Variants in NEK7 observed in about 807,000 individuals in gnomAD.
NEK7 encodes the protein serine/threonine-protein kinase Nek7.
NEK7 carries 18 observed loss-of-function variants against 44.6 expected under a neutral mutation model. The ratio of observed to expected loss-of-function variants is 0.40; its 90% CI spans 0.28 to 0.60. The LOEUF (loss-of-function observed/expected upper bound fraction) is 0.60, where lower values mean the gene tolerates loss of function less well. Among genes scored for constraint, NEK7 ranks in the 20% least tolerant of loss-of-function variants. The probability of loss-of-function intolerance (pLI) is 0.38; values close to 1 mark genes in which losing one functional copy is unlikely to be tolerated. For synonymous variants in NEK7, 130 were observed against 121.1 expected, an observed-to-expected ratio of 1.07 and a Z score of -0.48; for missense variants, 256 against 366.5, an observed-to-expected ratio of 0.70 and a Z score of 2.46.
intron 3 of NEK7, chr1:198,256,459 A>G: frequency 6.2e-7 from 1 of 1,604,070 alleles, no homozygotes; most frequent in Non-Finnish European, 8.5e-7. Flanking sequence ...ATTTACCTGT[A>G]TCCCATCATG....
intron 4 of NEK7, among the ~76,000 whole-genome samples, 170 bp downstream of exon 4, chr1:198,262,807 A>T (rs887446087): frequency 2.0e-5 from 3 of 151,896 alleles, no homozygotes; most frequent in African/African-American, 7.2e-5. Flanking sequence ...TATTTTTTGG[A>T]TTTATTGTTA....
chr1:198,174,040 G>A (rs934605838), intron 1 of NEK7, among the ~76,000 whole-genome samples: 1 of 152,202 alleles, frequency 6.6e-6, no homozygotes, highest in Non-Finnish European at 1.5e-5. Context: ...TTGCAAGATA[G>A]TGCAGGTCAG....
chr1:198,188,867 A>G (rs965649738), intron 1 of NEK7, among the ~76,000 whole-genome samples: 15 of 152,144 alleles, frequency 9.9e-5, no homozygotes, highest in Non-Finnish European at 1.5e-5. Flanking sequence ...TCCATTTTGC[A>G]GAAAAGAAAA....
Position 198,319,922 on chromosome 1 carries a change from A to G in NEK7, c.*400A>G, listed in dbSNP as rs1165139105. ...TGAACATGTGACTTGTTTCTTTTTT[A>G]GTAATTTATGGACATTGAGATGAAC... On this transcript the variant is annotated 3_prime_UTR_variant, in exon 10 of 10. Coordinates refer to ENST00000367385, the MANE Select transcript of NEK7 (RefSeq NM_133494.3). 6.5e-6 allele frequency: 1 copy of G among 153,928 alleles called. No individual in the cohort carries two copies. 9.5% of individuals were successfully genotyped at this position (153,928 alleles called of 1,614,324 possible).
chr1:198,309,130 A>G (rs187738177), intron 9 of NEK7, among the ~76,000 whole-genome samples: 5 of 152,316 alleles, frequency 3.3e-5, no homozygotes, highest in African/African-American at 9.6e-5. Context: ...AGTTCCACGT[A>G]GCAAACACAG....
chr1:198,199,868 T>C (rs1297685100), intron 1 of NEK7, among the ~76,000 whole-genome samples: 1 of 152,166 alleles, frequency 6.6e-6, no homozygotes, highest in East Asian at 1.9e-4. Context: ...AAAAAGTTAG[T>C]TGGATAATTT....
At chr1:198,216,795 A>G (rs556436883) in intron 1 of NEK7, among the ~76,000 whole-genome samples, 1 of 152,128 alleles carries the variant, frequency 6.6e-6, no homozygotes, top group Admixed American at 6.5e-5. Flanking sequence ...ATCATTTGAC[A>G]TTACTATGAA....
intron 1 of NEK7, among the ~76,000 whole-genome samples, chr1:198,194,741 A>G (rs912610720): frequency 1.1e-4 from 16 of 152,136 alleles, no homozygotes; most frequent in Admixed American, 5.9e-4. Context: ...GGTTGATTCT[A>G]TGTCTTTGCT....
intron 1 of NEK7, among the ~76,000 whole-genome samples, chr1:198,169,418 A>C (rs1664367116): frequency 6.6e-6 from 1 of 152,174 alleles, no homozygotes; most frequent in Non-Finnish European, 1.5e-5. Context: ...AAAAATATTT[A>C]AGTTTTTATT....
chr1:198,232,766 T>C (rs939618612), intron 2 of NEK7, 129 bp downstream of exon 2: 22 of 510,528 alleles, frequency 4.3e-5, no homozygotes, highest in Admixed American at 3.6e-4. Flanking sequence ...AATTTCCAAG[T>C]TTTAATCAGC....
At chr1:198,278,897 C>A in intron 6 of NEK7, 57 bp from the exon 7 acceptor site, 1 of 927,890 alleles carries the variant, frequency 1.1e-6, no homozygotes, top group African/African-American at 1.7e-5. Context: ...TTGTTAATTC[C>A]TTTAAAATTT....
chr1:198,229,767 A>G (rs558342321), intron 1 of NEK7, among the ~76,000 whole-genome samples: 13 of 152,360 alleles, frequency 8.5e-5, no homozygotes, highest in South Asian at 4.1e-4. Flanking sequence ...TCAGAATTTT[A>G]TATCTGAGCA....
intron 1 of NEK7, among the ~76,000 whole-genome samples, chr1:198,179,478 A>T (rs145147062): frequency 3.3e-4 from 50 of 152,078 alleles, no homozygotes; most frequent in African/African-American, 1.1e-3. Flanking sequence ...ATTCATACAG[A>T]TTCTTGAACA....
Position 198,201,170 on chromosome 1 carries a change from C to A in NEK7, c.-28-31383C>A, listed in dbSNP as rs528745521. ...GTGCTGTTTTTGTGTGTTGTGTTGACGAGGGGATAACAGAAGCATAAATTA... is the reference window on the plus strand; with the variant it reads ...GTGCTGTTTTTGTGTGTTGTGTTGAAGAGGGGATAACAGAAGCATAAATTA... On this transcript the variant is annotated intron_variant, in intron 1 of 9. Coordinates refer to ENST00000367385, the MANE Select transcript of NEK7 (RefSeq NM_133494.3). 7.3e-5 allele frequency among the ~76,000 whole-genome samples: 11 copies of A among 151,574 alleles called. No homozygotes were observed. The East Asian group carries it at 2.1e-3, about 29-fold the overall frequency.
intron 1 of NEK7, among the ~76,000 whole-genome samples, chr1:198,214,524 A>T (rs1665862002): frequency 6.6e-6 from 1 of 152,212 alleles, no homozygotes; most frequent in South Asian, 2.1e-4. Flanking sequence ...ACATTTAGGG[A>T]ACTACAAAAT....
rs1665287980 is a variant in NEK7, at chr1:198,197,821, A to G, written c.-28-34732A>G. On this transcript the variant is annotated intron_variant, in intron 1 of 9. Coordinates refer to ENST00000367385, the MANE Select transcript of NEK7 (RefSeq NM_133494.3). ...TGGAAGAGGAGGAGGAATGCTTGCC[A>G]TGCTCGTGGTGCTTGTGCATCTTTT... 11 of 783,068 alleles carry G rather than the reference A, an allele frequency of 1.4e-5. No homozygotes were observed. In the East Asian group the frequency reaches 2.6e-4, roughly 18 times the overall value. The allele number at this position is 783,068 out of a possible 1,614,324, so 48.5% of individuals were successfully genotyped here.
intron 1 of NEK7, among the ~76,000 whole-genome samples, chr1:198,213,797 A>G (rs976360655): frequency 1.3e-5 from 2 of 152,006 alleles, no homozygotes; most frequent in African/African-American, 4.8e-5. Flanking sequence ...CAAGGGTGGG[A>G]CCTCTGCCCA....
rs117039853 is a variant in NEK7 at position 198,271,162 on chromosome 1, A to G, written c.373-6799A>G. 2.5e-4 allele frequency among the ~76,000 whole-genome samples: 38 copies of G among 152,114 alleles called. No homozygotes were observed. In the East Asian group the frequency reaches 7.2e-3, roughly 29 times the overall value. On this transcript the variant is annotated intron_variant, in intron 5 of 9. Coordinates refer to ENST00000367385, the MANE Select transcript of NEK7 (RefSeq NM_133494.3). Reference sequence around the variant, plus strand: ...TTGACTTTTTTGAATGGCTCACCCAATTAGGTCATGACTACCCATGCTAAT... The same window carrying G: ...TTGACTTTTTTGAATGGCTCACCCAGTTAGGTCATGACTACCCATGCTAAT...
chr1:198,256,353 G>GA, intron 3 of NEK7: 1 of 1,610,918 alleles, frequency 6.2e-7, no homozygotes, highest in Non-Finnish European at 8.5e-7. Flanking sequence ...GTATGGGAAA[G>GA]AAGAGTGTGT....
Sources: gnomAD v4.1 joint callset for allele counts (sites outside exome capture counted in the v4.1 genomes callset) on GRCh38, gnomAD v4.1.1 for gene constraint, MANE v1.5 for transcripts, NCBI Gene and HGNC (gene_info 2026-07-23, HGNC 2026-07-21) for gene names.